Variants in ACOT13 observed in about 807,000 individuals in gnomAD.
ACOT13 encodes the protein acyl-CoA thioesterase 13.
In ACOT13, 10 loss-of-function variants were observed where a neutral mutation model predicts 11.8. The ratio of observed to expected loss-of-function variants is 0.85; its 90% CI spans 0.53 to 1.44. The LOEUF (loss-of-function observed/expected upper bound fraction) is 1.44. Among genes scored for constraint, ACOT13 ranks in the 40% most tolerant of loss-of-function variants. The pLI is 0.00. For missense variants in ACOT13, 172 were observed against 174.1 expected (o/e 0.99, Z 0.07); for synonymous variants, 53 against 61.0 (o/e 0.87, Z 0.61).
chr6:24,687,338 G>A, intron 1 of ACOT13: 1 of 775,672 alleles, frequency 1.3e-6, no homozygotes, highest in Non-Finnish European at 1.6e-6. Context: ...GAGTAGTTCT[G>A]CAGTAAATAA....
At chr6:24,672,532 G>A (rs1401424977) in intron 1 of ACOT13, among the ~76,000 whole-genome samples, 3 of 152,154 alleles carry the variant, frequency 2.0e-5, no homozygotes, top group African/African-American at 4.8e-5. Context: ...CCAGCTACTC[G>A]GGAGGCTGAG....
intron 2 of ACOT13, 152 bp downstream of exon 2, chr6:24,698,219 A>G: frequency 1.4e-6 from 1 of 717,342 alleles, no homozygotes; most frequent in East Asian, 3.2e-5. Context: ...AAAATATTCC[A>G]GCCTTAAAAT....
At chr6:24,676,178 C>T (rs946218211) in intron 1 of ACOT13, among the ~76,000 whole-genome samples, 9 of 152,160 alleles carry the variant, frequency 5.9e-5, no homozygotes, top group African/African-American at 2.2e-4. Flanking sequence ...CAGCTTTGTT[C>T]TTTTGGCTTA....
chr6:24,670,453 A>C (rs974280559), intron 1 of ACOT13, among the ~76,000 whole-genome samples: 1 of 152,218 alleles, frequency 6.6e-6, no homozygotes, highest in African/African-American at 2.4e-5. Flanking sequence ...GGACTTTGTA[A>C]AGTGTGAGGC....
chr6:24,693,957 C>T (rs369150443), intron 1 of ACOT13, among the ~76,000 whole-genome samples: 24 of 152,152 alleles, frequency 1.6e-4, no homozygotes, highest in African/African-American at 5.6e-4. Context: ...CTACTGACCT[C>T]AAGTGATCTG....
At chr6:24,673,115 ATC>A (rs991232069) in intron 1 of ACOT13, among the ~76,000 whole-genome samples, 1 of 152,214 alleles carries the variant, frequency 6.6e-6, no homozygotes, top group Non-Finnish European at 1.5e-5. Context: ...TAATTAAAAA[ATC>A]TTTTTTTAAT....
In ACOT13 at chr6:24,673,159, C is replaced by G. The variant is rs1778389574; in HGVS notation, c.81+5815C>G. 3.3e-5 allele frequency among the ~76,000 whole-genome samples: 5 copies of G among 151,900 alleles called. No individual in the cohort carries two copies. In the South Asian group the frequency reaches 1.0e-3, roughly 32 times the overall value. ...TTTTTCCTAAACATAGGAATTATTTCAACAAAATGTAAACTCTGTTAGGTC... is the reference window on the plus strand; with the variant it reads ...TTTTTCCTAAACATAGGAATTATTTGAACAAAATGTAAACTCTGTTAGGTC... On this transcript the variant is annotated intron_variant, in intron 1 of 2. Coordinates refer to ENST00000230048, the MANE Select transcript of ACOT13 (RefSeq NM_018473.4).
At chr6:24,677,455 C>T (rs1778473842) in intron 1 of ACOT13, among the ~76,000 whole-genome samples, 1 of 152,246 alleles carries the variant, frequency 6.6e-6, no homozygotes, top group Non-Finnish European at 1.5e-5. Flanking sequence ...GATACTAAGA[C>T]TGCTACTGTT....
rs781168385 is a variant in ACOT13 at position 24,667,129 on chromosome 6, CT to C, written c.-133del. ...TGCCAGCTCGCCTGACTCCCGGCCTCTTGCGCTCCTAGGGGCGGAGAAGGGT... is the reference window on the plus strand; with the variant it reads ...TGCCAGCTCGCCTGACTCCCGGCCTCTGCGCTCCTAGGGGCGGAGAAGGGT... On this transcript the variant is annotated 5_prime_UTR_variant, in exon 1 of 3. Coordinates refer to ENST00000230048, the MANE Select transcript of ACOT13 (RefSeq NM_018473.4). 7 of 979,420 alleles carry C rather than the reference CT, an allele frequency of 7.1e-6. No individual in the cohort carries two copies. Among genetic ancestry groups the C allele is most frequent in the Non-Finnish European group, 1.1e-5 (7 of 663,982 alleles). 60.7% of individuals were successfully genotyped at this position (979,420 alleles called of 1,614,324 possible). A position where few individuals can be genotyped will look rare whatever the true frequency, so the allele number is the denominator to read the frequency against.
chr6:24,667,811 C>T (rs1176393589), intron 1 of ACOT13, among the ~76,000 whole-genome samples: 1 of 152,206 alleles, frequency 6.6e-6, no homozygotes, highest in Non-Finnish European at 1.5e-5. Flanking sequence ...GGAAATTTCT[C>T]AAAGGCACCC....
At chr6:24,673,309 T>C (rs1042185434) in intron 1 of ACOT13, among the ~76,000 whole-genome samples, 1 of 151,920 alleles carries the variant, frequency 6.6e-6, no homozygotes, top group Non-Finnish European at 1.5e-5. Context: ...TGAAAAAAAA[T>C]GGCAAGATGC....
chr6:24,698,540 T>C (rs1778836081), intron 2 of ACOT13, among the ~76,000 whole-genome samples: 1 of 151,106 alleles, frequency 6.6e-6, no homozygotes, highest in African/African-American at 2.5e-5. Context: ...ATACCACTTA[T>C]AACACTATGA....
At chr6:24,669,705 A>G (rs1778326823) in intron 1 of ACOT13, among the ~76,000 whole-genome samples, 2 of 152,204 alleles carry the variant, frequency 1.3e-5, no homozygotes, top group African/African-American at 4.8e-5. Context: ...GAAGGCTGTG[A>G]ACTCCCATGT....
In ACOT13 at chr6:24,703,033, TGTGCCACCAC is replaced by T. The variant is rs1240016462; in HGVS notation, c.*1420_*1429del. The T allele has an allele frequency of 6.6e-6, 1 of 152,264 alleles. No homozygotes were observed. Among genetic ancestry groups the T allele is most frequent in the Non-Finnish European group, 1.5e-5 (1 of 68,072 alleles). 9.4% of individuals were successfully genotyped at this position (152,264 alleles called of 1,614,324 possible). Reference sequence around the variant, plus strand: ...TCCTGAGTAGCTGGAACTACAGGCGTGTGCCACCACGCCTAATTTTATTTTTGTAGAAACA... The same window carrying T: ...TCCTGAGTAGCTGGAACTACAGGCGTGCCTAATTTTATTTTTGTAGAAACA... On this transcript the variant is annotated 3_prime_UTR_variant, in exon 3 of 3. Transcript: ENST00000230048.
rs192738493 is a variant in ACOT13 at position 24,672,308 on chromosome 6, T to A, written c.81+4964T>A. On this transcript the variant is annotated intron_variant, in intron 1 of 2. Transcript: ENST00000230048. The stretch of plus-strand genomic sequence containing the variant: ...AAGCTAATTAAATTTGTTTTCAAAA[T>A]TTTATAAACAATCTATAAAATTTTA... Among the ~76,000 whole-genome samples the A allele has an allele frequency of 2.6e-5, 4 of 152,354 alleles. No homozygotes were observed. The East Asian group carries it at 7.7e-4, about 29-fold the overall frequency.
intron 1 of ACOT13, among the ~76,000 whole-genome samples, chr6:24,696,163 A>T (rs1014943236): frequency 6.6e-6 from 1 of 152,222 alleles, no homozygotes; most frequent in South Asian, 2.1e-4. Flanking sequence ...AAAACATGAC[A>T]TAATATTGTT....
At chr6:24,678,095 T>C (rs1041512834) in intron 1 of ACOT13, among the ~76,000 whole-genome samples, 1 of 152,188 alleles carries the variant, frequency 6.6e-6, no homozygotes, top group African/African-American at 2.4e-5. Context: ...GCTCAAGTCT[T>C]GGGCTAATGC....
intron 1 of ACOT13, among the ~76,000 whole-genome samples, chr6:24,675,974 A>G (rs950517350): frequency 2.0e-5 from 3 of 152,230 alleles, no homozygotes; most frequent in African/African-American, 7.2e-5. Flanking sequence ...CCATTTATTA[A>G]AAGGGAATCC....
intron 1 of ACOT13, among the ~76,000 whole-genome samples, chr6:24,685,332 C>CTTTTTTTTTTTTTTT (rs563020332): frequency 9.4e-5 from 11 of 116,758 alleles, no homozygotes; most frequent in East Asian, 2.4e-4. Context: ...TTTTACTGTA[C>CTTTTTTTTTTTTTTT]TTTTTTTTTT....
Sources: gnomAD v4.1 joint callset for allele counts (sites outside exome capture counted in the v4.1 genomes callset) on GRCh38, gnomAD v4.1.1 for gene constraint, MANE v1.5 for transcripts, NCBI Gene and HGNC (gene_info 2026-07-23, HGNC 2026-07-21) for gene names.